Variants in MGAM observed in about 807,000 individuals in gnomAD.
The protein encoded by MGAM is maltase-glucoamylase.
In MGAM, 253 loss-of-function variants were observed where a neutral mutation model predicts 358.8. The observed-to-expected ratio is 0.71, with a 90% CI of 0.64 to 0.78. The LOEUF is 0.78. Ranked by LOEUF, MGAM falls within the 30% of genes least tolerant of loss-of-function variation. The probability of loss-of-function intolerance (pLI) is 0.00; values close to 1 mark genes in which losing one functional copy is unlikely to be tolerated. For synonymous variants in MGAM, 1,105 were observed against 1,227.1 expected (o/e 0.90, Z 2.08); for missense variants, 3,080 against 3,432.6 (o/e 0.90, Z 2.57).
Position 142,042,993 on chromosome 7 carries a change from CAT to C in MGAM, c.2498+2151_2498+2152del, listed in dbSNP as rs1563149742. 8.2e-4 allele frequency among the ~76,000 whole-genome samples: 27 copies of C among 32,750 alleles called. 1 individual carries two copies. Among genetic ancestry groups the C allele is most frequent in the African/African-American group, 2.2e-3 (25 of 11,520 alleles). 21.5% of individuals were successfully genotyped at this position (32,750 alleles called of 152,430 possible). ...AAATATAATATATATATTATATATA[CAT>C]ATAATATCTAAATATAATATATATA... On this transcript the variant is annotated intron_variant, in intron 21 of 70. Transcript: ENST00000475668.
intron 21 of MGAM, among the ~76,000 whole-genome samples, chr7:142,041,649 T>G (rs1330334410): frequency 6.6e-6 from 1 of 151,284 alleles, no homozygotes; most frequent in Non-Finnish European, 1.5e-5. Flanking sequence ...CACACCTTCA[T>G]GTACATACAG....
chr7:142,027,742 A>C lies in MGAM; in HGVS notation c.1221+7A>C. 1 of 1,590,708 alleles carries C rather than the reference A, an allele frequency of 6.3e-7. No homozygotes were observed. Among genetic ancestry groups the C allele is most frequent in the Non-Finnish European group, 8.6e-7 (1 of 1,168,392 alleles). ...CGCAGCACAGCTCCCTTATGTAAGC[A>C]AGGTTTTCAACAGTTCTCCAAAAGT... On this transcript the variant is annotated splice_region_variant and intron_variant, in intron 10 of 70. Coordinates refer to ENST00000475668, the MANE Select transcript of MGAM (RefSeq NM_001365693.1).
In MGAM at chr7:142,086,328, G is replaced by A. The variant is rs1375825428; in HGVS notation, c.6747G>A (p.Lys2249=). 2 of 1,524,572 alleles carry A rather than the reference G, an allele frequency of 1.3e-6. No homozygotes were observed. The highest frequency in any genetic ancestry group is 2.3e-5 in the South Asian group (2 of 85,218). 94.4% of individuals were successfully genotyped at this position (1,524,572 alleles called of 1,614,324 possible). Residue 2249 remains lysine, a splice_region_variant and synonymous_variant, in exon 56 of 71, where the codon AAG becomes AAA. Transcript: ENST00000475668. ...YPNDGDIVWG[K]VWPDFPDVVV... is the part of the protein sequence containing the mutation. ...ATGATGGAGACATTGTCTGGGGAAA[G>A]GTATAATCCTAAGCGATGATCCAGT...
chr7:142,032,070 G>T (rs562997530), intron 13 of MGAM, among the ~76,000 whole-genome samples: 2 of 139,642 alleles, frequency 1.4e-5, no homozygotes, highest in South Asian at 4.5e-4. Flanking sequence ...GGAATGAGCT[G>T]AAGTCAGAAT....
intron 2 of MGAM, among the ~76,000 whole-genome samples, chr7:141,988,197 A>G (rs1202651398): frequency 1.3e-5 from 2 of 152,090 alleles, no homozygotes; most frequent in Admixed American, 1.3e-4. Flanking sequence ...CTGAGGTGGA[A>G]GAATTGGTTG....
rs1024034903 is a variant in MGAM at position 142,069,382 on chromosome 7, G to T, written c.5061+679G>T. On this transcript the variant is annotated intron_variant, in intron 43 of 70. Coordinates refer to ENST00000475668, the MANE Select transcript of MGAM (RefSeq NM_001365693.1). ...TTCCCGGGCAGCTCTGGGGTGGTGGGCTCTTGCTGGGACCCTGACAAATCA... is the reference window on the plus strand; with the variant it reads ...TTCCCGGGCAGCTCTGGGGTGGTGGTCTCTTGCTGGGACCCTGACAAATCA... 3.4e-4 allele frequency among the ~76,000 whole-genome samples: 49 copies of T among 145,974 alleles called. 3 individuals carry two copies. Among genetic ancestry groups the T allele is most frequent in the African/African-American group, 1.2e-3 (48 of 41,160 alleles).
chr7:142,097,514 A>C (rs1816033925), intron 65 of MGAM, 79 bp from the exon 66 acceptor site: 3 of 1,395,374 alleles, frequency 2.1e-6, no homozygotes, highest in Admixed American at 3.4e-5. Context: ...ACAATTATTT[A>C]ACCTCTTTCC....
intron 57 of MGAM, among the ~76,000 whole-genome samples, chr7:142,088,964 C>G (rs927535352): frequency 1.7e-5 from 2 of 116,836 alleles, no homozygotes; most frequent in African/African-American, 3.0e-5. Flanking sequence ...TCATCTATCT[C>G]TATGTATGTA....
At chr7:142,087,388 G>GA (rs1453506491) in intron 57 of MGAM, among the ~76,000 whole-genome samples, 1 of 145,970 alleles carries the variant, frequency 6.9e-6, no homozygotes, top group Non-Finnish European at 1.6e-5. Context: ...TTGCTTGAAT[G>GA]ATACATGGCT....
Position 142,079,024 on chromosome 7 carries a change from A to AT in MGAM, c.5847+17dup, listed in dbSNP as rs1407842929. 13 of 1,534,742 alleles carry AT rather than the reference A, an allele frequency of 8.5e-6. 1 individual carries two copies. The highest frequency in any genetic ancestry group is 1.2e-5 in the Non-Finnish European group (13 of 1,115,258). On this transcript the variant is annotated intron_variant, in intron 49 of 70. Coordinates refer to ENST00000475668, the MANE Select transcript of MGAM (RefSeq NM_001365693.1). The stretch of plus-strand genomic sequence containing the variant: ...ACAGTTCAAGGTAAACACGGTACAT[A>AT]TATCAGGCAGTGATAAGACCCTTTT...
At chr7:142,005,709 C>T in intron 2 of MGAM, 52 bp downstream of exon 2, 1 of 1,549,606 alleles carries the variant, frequency 6.5e-7, no homozygotes, top group Non-Finnish European at 8.8e-7. Flanking sequence ...TTAGAGCAAA[C>T]CTTCAACAAT....
chr7:142,062,621 G>A lies in MGAM; in HGVS notation c.4176G>A (p.Lys1392=). ...FPDFFRNSTA[K]WWKREIEELY... ...ACTTTTTCCGTAATTCAACTGCCAA[G>A]TGGTGGAAGAGGGAAATAGAAGAAC... Residue 1392 remains lysine, a synonymous_variant, in exon 35 of 71, where the codon AAG becomes AAA. Transcript: ENST00000475668. 2 of 1,612,394 alleles carry A rather than the reference G, an allele frequency of 1.2e-6. No homozygotes were observed. Among genetic ancestry groups the A allele is most frequent in the South Asian group, 1.1e-5 (1 of 90,934 alleles).
At chr7:142,099,928 CT>C (rs1334650612) in intron 67 of MGAM, among the ~76,000 whole-genome samples, 191 bp downstream of exon 67, 4 of 152,172 alleles carry the variant, frequency 2.6e-5, no homozygotes, top group Non-Finnish European at 4.4e-5. Flanking sequence ...ATTAACAGCT[CT>C]TTTATGTCTA....
intron 63 of MGAM, 143 bp downstream of exon 63, chr7:142,095,006 C>A: frequency 1.2e-6 from 1 of 855,874 alleles, no homozygotes; most frequent in Non-Finnish European, 1.8e-6. Flanking sequence ...ATTCTATTGC[C>A]TAAGCTGGAT....
intron 57 of MGAM, among the ~76,000 whole-genome samples, chr7:142,091,091 A>T (rs1815339125): frequency 6.9e-6 from 1 of 144,742 alleles, no homozygotes; most frequent in Admixed American, 7.0e-5. Context: ...TACTAGAAAT[A>T]CAAAAATTAG....
chr7:142,060,079 T>G (rs1411627184), intron 33 of MGAM, 113 bp downstream of exon 33: 2 of 1,328,986 alleles, frequency 1.5e-6, no homozygotes, highest in South Asian at 2.8e-5. Context: ...CTTTTCTATT[T>G]GGGCTCTGAG....
rs569973856 is a variant in MGAM at position 142,053,255 on chromosome 7, C to A, written c.3159+271C>A. Among the ~76,000 whole-genome samples the A allele has an allele frequency of 4.6e-5, 7 of 152,082 alleles. No homozygotes were observed. The South Asian group carries it at 1.5e-3, about 32-fold the overall frequency. ...TTGGGAGGCTACCAGTTAGGCAGGT[C>A]AGTGGAGGGATTAGGTTTGGACTAG... On this transcript the variant is annotated intron_variant, in intron 26 of 70. Transcript: ENST00000475668.
chr7:142,083,145 C>T lies in MGAM; in HGVS notation c.6269-156C>T, dbSNP rs1357016005. Among the ~76,000 whole-genome samples the T allele has an allele frequency of 1.4e-5, 2 of 146,486 alleles. 1 individual carries two copies. The highest frequency in any genetic ancestry group is 3.1e-5 in the Non-Finnish European group (2 of 64,660). On this transcript the variant is annotated intron_variant, in intron 52 of 70. Transcript: ENST00000475668. ...CAGGAATGGGACATTTAGACTTCCA[C>T]TGAACTTCTTCAGTTCTATGTGATT...
At chr7:142,032,784 A>C (rs181391904) in intron 13 of MGAM, 41 bp from the exon 14 acceptor site, 1 of 1,233,388 alleles carries the variant, frequency 8.1e-7, no homozygotes, top group Non-Finnish European at 1.2e-6. Context: ...ATAAGATAAC[A>C]TGTTACTTTT....
Sources: allele counts gnomAD v4.1 joint callset (sites outside exome capture counted in the v4.1 genomes callset), GRCh38; gene constraint gnomAD v4.1.1; transcripts MANE v1.5; gene names NCBI Gene and HGNC (gene_info 2026-07-23, HGNC 2026-07-21).